GNG7: variants seen among roughly 807,000 people sequenced by gnomAD.
The protein encoded by GNG7 is G protein subunit gamma 7, also known as guanine nucleotide-binding protein G(I)/G(S)/G(O) subunit gamma-7.
In GNG7, 1 loss-of-function variant was observed where a neutral mutation model predicts 4.0. That is an observed-to-expected ratio of 0.25 (90% CI 0.09 to 1.18). The LOEUF (loss-of-function observed/expected upper bound fraction) is 1.18. Among genes scored for constraint, GNG7 ranks in the 50% most tolerant of loss-of-function variants. The pLI, the probability that GNG7 is intolerant of heterozygous loss-of-function variation, is 0.50. For synonymous variants in GNG7, 34 were observed against 36.9 expected (o/e 0.92, Z 0.29); for missense variants, 86 against 91.9 (o/e 0.94, Z 0.26).
In GNG7 at chr19:2,558,253, T is replaced by TTG. The variant is rs924061386; in HGVS notation, c.-77-3066_-77-3065insCA. Among the ~76,000 whole-genome samples the TTG allele has an allele frequency of 1.3e-4, 20 of 148,606 alleles. No individual in the cohort carries two copies. In the South Asian group the frequency reaches 1.7e-3, roughly 13 times the overall value. ...GTGTTTTTTTGTTTTTGTTTTTGTT[T>TTG]TTTTTTTGAGATAGGGTCTGTTACC... On this transcript the variant is annotated intron_variant, in intron 2 of 4. Coordinates refer to ENST00000382159, the MANE Select transcript of GNG7 (RefSeq NM_052847.3).
chr19:2,517,529 T>C (rs1234966648), intron 4 of GNG7, among the ~76,000 whole-genome samples: 2 of 151,564 alleles, frequency 1.3e-5, no homozygotes, highest in Non-Finnish European at 2.9e-5. Context: ...CACGCCAGGG[T>C]AATTTTTGTA....
intron 3 of GNG7, among the ~76,000 whole-genome samples, chr19:2,553,611 T>G (rs368000455): frequency 6.7e-6 from 1 of 148,558 alleles, no homozygotes; most frequent in African/African-American, 2.5e-5. Context: ...CAATATATCA[T>G]ACTACATACA....
intron 1 of GNG7, among the ~76,000 whole-genome samples, chr19:2,647,072 G>A (rs917894223): frequency 1.7e-4 from 26 of 152,184 alleles, no homozygotes; most frequent in East Asian, 3.8e-4. Context: ...CTGAGGCTGC[G>A]ACCAGGAACT....
At chr19:2,604,565 G>A (rs1981318260) in intron 2 of GNG7, among the ~76,000 whole-genome samples, 1 of 137,030 alleles carries the variant, frequency 7.3e-6, no homozygotes, top group Admixed American at 8.1e-5. Context: ...AGGAAGCGAG[G>A]GACAGAGGGA....
In GNG7 at chr19:2,546,111, C is replaced by T. The variant is rs1178641490; in HGVS notation, c.-38+9038G>A. Among the ~76,000 whole-genome samples the T allele has an allele frequency of 6.6e-6, 1 of 152,210 alleles. No homozygotes were observed. Among genetic ancestry groups the T allele is most frequent in the Non-Finnish European group, 1.5e-5 (1 of 68,028 alleles). Reference sequence around the variant, plus strand: ...TGGGATGCAGGCCCCCCACGGCCTGCCATGTTCTCACCAGGACGCCAAAGA... The same window carrying T: ...TGGGATGCAGGCCCCCCACGGCCTGTCATGTTCTCACCAGGACGCCAAAGA... On this transcript the variant is annotated intron_variant, in intron 3 of 4. Coordinates refer to ENST00000382159, the MANE Select transcript of GNG7 (RefSeq NM_052847.3). The surrounding 1 kb of genome is among the most constrained non-coding windows in gnomAD (Gnocchi z 6.3).
At chr19:2,601,293 C>T (rs1315243078) in intron 2 of GNG7, among the ~76,000 whole-genome samples, 1 of 152,162 alleles carries the variant, frequency 6.6e-6, no homozygotes, top group Admixed American at 6.6e-5. Context: ...CCATGGGGCA[C>T]AAGTAGGTAA....
At chr19:2,542,554 C>T (rs67768503) in intron 3 of GNG7, among the ~76,000 whole-genome samples, 23,243 of 152,124 alleles carry the variant, frequency 0.15, 1,897 homozygotes, top group East Asian at 0.29. Context: ...GGAAGCTTCG[C>T]GTCAGACAGC....
intron 1 of GNG7, among the ~76,000 whole-genome samples, chr19:2,698,096 G>A (rs1451163915): frequency 1.3e-5 from 2 of 151,162 alleles, no homozygotes; most frequent in African/African-American, 2.4e-5. Flanking sequence ...GTGAAACTCC[G>A]TCTCTACTAA....
chr19:2,628,983 T>TG (rs937159914), intron 2 of GNG7, among the ~76,000 whole-genome samples: 1 of 151,856 alleles, frequency 6.6e-6, no homozygotes, highest in African/African-American at 2.4e-5. Flanking sequence ...CACCAGGCGG[T>TG]GGGGGTCTTG....
rs796899840 is a variant in GNG7 at position 2,633,487 on chromosome 19, GCACA to G, written c.-78+12733_-78+12736del. Among the ~76,000 whole-genome samples the G allele has an allele frequency of 0.02, 2,074 of 103,638 alleles. 19 individuals are homozygous for G. The highest frequency in any genetic ancestry group is 0.051 in the South Asian group (149 of 2,934). 68.0% of individuals were successfully genotyped at this position (103,638 alleles called of 152,430 possible). ...TAGCAACAGGCGCGCGCGCGCGCGC[GCACA>G]CACACACACACACACACACACACAC... On this transcript the variant is annotated intron_variant, in intron 2 of 4. Coordinates refer to ENST00000382159, the MANE Select transcript of GNG7 (RefSeq NM_052847.3). The surrounding 1 kb of genome is among the most constrained non-coding windows in gnomAD (Gnocchi z 5.9).
At chr19:2,599,111 A>C (rs935132455) in intron 2 of GNG7, among the ~76,000 whole-genome samples, 1 of 152,060 alleles carries the variant, frequency 6.6e-6, no homozygotes. Context: ...TGCTTGTGGG[A>C]GGGACGCCTG....
At chr19:2,586,717 G>C (rs915830689) in intron 2 of GNG7, among the ~76,000 whole-genome samples, 2 of 151,960 alleles carry the variant, frequency 1.3e-5, no homozygotes, top group Non-Finnish European at 2.9e-5. Context: ...GGGTGCAGTG[G>C]CTCACGCCTG....
At chr19:2,564,298 A>C (rs1979834871) in intron 2 of GNG7, among the ~76,000 whole-genome samples, 1 of 152,074 alleles carries the variant, frequency 6.6e-6, no homozygotes, top group Admixed American at 6.6e-5. Context: ...GGAGAGACAC[A>C]GGCTGAGATT....
At chr19:2,585,941 C>T (rs576249517) in intron 2 of GNG7, among the ~76,000 whole-genome samples, 1 of 152,294 alleles carries the variant, frequency 6.6e-6, no homozygotes, top group African/African-American at 2.4e-5. Context: ...ACCTCGTGAT[C>T]CACCCGCCTC....
rs1040119279 is a variant in GNG7, at chr19:2,626,883, C to T, written c.-78+19341G>A. Among the ~76,000 whole-genome samples, 10 of 151,746 alleles carry T rather than the reference C, an allele frequency of 6.6e-5. No individual in the cohort carries two copies. Among genetic ancestry groups the T allele is most frequent in the Admixed American group, 2.6e-4 (4 of 15,224 alleles). On this transcript the variant is annotated intron_variant, in intron 2 of 4. Coordinates refer to ENST00000382159, the MANE Select transcript of GNG7 (RefSeq NM_052847.3). The surrounding 1 kb of genome is among the most constrained non-coding windows in gnomAD (Gnocchi z 5.0). The stretch of plus-strand genomic sequence containing the variant: ...CTGCAGTGCCCAGGACGGCCTCACC[C>T]CAGAGAACAGTCCAGTGTCAGTGTC...
At chr19:2,660,841 T>C (rs996618328) in intron 1 of GNG7, among the ~76,000 whole-genome samples, 3 of 151,932 alleles carry the variant, frequency 2.0e-5, no homozygotes, top group Admixed American at 6.6e-5. Context: ...TCTTGGGTCA[T>C]GTGTTCTGGG....
At chr19:2,574,010 C>T (rs1980231323) in intron 2 of GNG7, among the ~76,000 whole-genome samples, 1 of 152,194 alleles carries the variant, frequency 6.6e-6, no homozygotes, top group South Asian at 2.1e-4. Context: ...AGTTCTGCCG[C>T]CTCGGGGAGG....
chr19:2,672,121 G>A (rs1347416584), intron 1 of GNG7, among the ~76,000 whole-genome samples: 2 of 149,160 alleles, frequency 1.3e-5, no homozygotes, highest in Non-Finnish European at 3.0e-5. Context: ...CACTGCAACT[G>A]CTGCCTGCCA....
intron 3 of GNG7, among the ~76,000 whole-genome samples, chr19:2,529,952 C>T (rs948436727): frequency 6.6e-6 from 1 of 152,162 alleles, no homozygotes; most frequent in Non-Finnish European, 1.5e-5. Flanking sequence ...GGATGGGTCC[C>T]CATTTGTCAT....
Sources: allele counts gnomAD v4.1 joint callset (sites outside exome capture counted in the v4.1 genomes callset), GRCh38; gene constraint gnomAD v4.1.1; non-coding constraint Gnocchi (gnomAD v3.1); transcripts MANE v1.5; gene names NCBI Gene and HGNC (gene_info 2026-07-23, HGNC 2026-07-21).